The following CDH12 variants were observed in gnomAD, a reference collection of about 807,000 sequenced individuals.
The protein encoded by CDH12 is cadherin-12.
A neutral mutation model predicts 74.1 loss-of-function variants in CDH12; 41 were observed. That is an observed-to-expected ratio of 0.55 (90% confidence interval 0.43 to 0.72). CDH12 has a LOEUF of 0.72. Among genes scored for constraint, CDH12 ranks in the 30% least tolerant of loss-of-function variants. The pLI is 0.00. For missense variants in CDH12, 945 were observed against 977.2 expected, an observed-to-expected ratio of 0.97 and a Z score of 0.44; for synonymous variants, 399 against 355.0, an observed-to-expected ratio of 1.12 and a Z score of -1.39.
chr5:21,816,646 A>AAAAAAAAAAAAAC (rs1318470300), intron 9 of CDH12, among the ~76,000 whole-genome samples: 1 of 144,410 alleles, frequency 6.9e-6, no homozygotes, highest in East Asian at 2.0e-4. Flanking sequence ...AAAAAAAAAA[A>AAAAAAAAAAAAAC]AAAAAAAGAA....
At chr5:22,421,795 G>A (rs147336032) in intron 2 of CDH12, among the ~76,000 whole-genome samples, 1,834 of 152,222 alleles carry the variant, frequency 0.012, 36 homozygotes, top group African/African-American at 0.041. Context: ...CTAGTTTACA[G>A]TCCCACCGAC....
chr5:21,949,888 AAG>A (rs1755766769), intron 6 of CDH12, among the ~76,000 whole-genome samples: 1 of 152,282 alleles, frequency 6.6e-6, no homozygotes, highest in East Asian at 1.9e-4. Context: ...TTTTGAAAGA[AAG>A]AAGTTTTTTT....
chr5:21,917,128 C>G (rs1238884930), intron 6 of CDH12, among the ~76,000 whole-genome samples: 4 of 152,154 alleles, frequency 2.6e-5, no homozygotes, highest in African/African-American at 9.7e-5. Context: ...ACTGAACTCT[C>G]TGAACTTCAA....
chr5:21,904,941 C>G (rs1239129384), intron 6 of CDH12, among the ~76,000 whole-genome samples: 1 of 152,126 alleles, frequency 6.6e-6, no homozygotes, highest in Non-Finnish European at 1.5e-5. Flanking sequence ...AAAAGTCCCC[C>G]CAAATAACCA....
intron 3 of CDH12, among the ~76,000 whole-genome samples, chr5:22,263,128 C>T (rs969933294): frequency 6.6e-6 from 1 of 152,076 alleles, no homozygotes; most frequent in Non-Finnish European, 1.5e-5. Context: ...CAAGTGCATA[C>T]ACTATTTCTA....
At chr5:22,308,919 AGG>A (rs1738255881) in intron 3 of CDH12, among the ~76,000 whole-genome samples, 6 of 19,582 alleles carry the variant, frequency 3.1e-4, no homozygotes, top group East Asian at 3.3e-3. Context: ...AGAGAGAGAG[AGG>A]AGAGAGAGAG....
chr5:21,830,062 G>A (rs560387437), intron 8 of CDH12, among the ~76,000 whole-genome samples: 13 of 151,768 alleles, frequency 8.6e-5, no homozygotes, highest in African/African-American at 2.9e-4. Flanking sequence ...ATCTGGGTAT[G>A]TTGGCGGGTG....
intron 3 of CDH12, among the ~76,000 whole-genome samples, chr5:22,330,682 T>G (rs1739312628): frequency 7.7e-6 from 1 of 130,224 alleles, no homozygotes; most frequent in African/African-American, 3.0e-5. Context: ...ACCCTGGAGG[T>G]GGAGGTAGCA....
chr5:22,575,227 C>A lies in CDH12; in HGVS notation c.-522-69863G>T, dbSNP rs1368346543. Among the ~76,000 whole-genome samples the A allele has an allele frequency of 5.3e-5, 8 of 151,974 alleles. No homozygotes were observed. The East Asian group carries it at 1.4e-3, about 26-fold the overall frequency. ...AGCATTTGATACAGACACTTTTTTT[C>A]CTATATTTCTTGGAATTTGGTAAAA... On this transcript the variant is annotated intron_variant, in intron 1 of 14. Transcript: ENST00000382254.
intron 1 of CDH12, chr5:22,580,670 T>C (rs964389986): frequency 2.9e-5 from 12 of 409,124 alleles, no homozygotes; most frequent in South Asian, 2.6e-4. Context: ...CAAAGAAGTG[T>C]TTCAAGTGGA....
At chr5:22,112,896 T>A (rs572785193) in intron 4 of CDH12, among the ~76,000 whole-genome samples, 319 of 152,286 alleles carry the variant, frequency 2.1e-3, no homozygotes, top group Non-Finnish European at 3.2e-3. Flanking sequence ...AACAGAACGT[T>A]CATCTTATAA....
At chr5:22,270,925 C>T (rs13173112) in intron 3 of CDH12, among the ~76,000 whole-genome samples, 64,492 of 151,876 alleles carry the variant, frequency 0.42, 14,634 homozygotes, top group Admixed American at 0.53. Context: ...CTACCTGCCT[C>T]GGCCTCCAAA....
rs543944196 is a variant in CDH12 at position 22,120,504 on chromosome 5, T to C, written c.-186-41642A>G. Among the ~76,000 whole-genome samples the C allele has an allele frequency of 8.5e-5, 13 of 152,254 alleles. No homozygotes were observed. In the East Asian group the frequency reaches 2.1e-3, roughly 25 times the overall value. ...ACTATAATAAAATGATATGTTGACA[T>C]GTTTATGAAAGATGTAAAAGTATAT... On this transcript the variant is annotated intron_variant, in intron 4 of 14. Coordinates refer to ENST00000382254, the MANE Select transcript of CDH12 (RefSeq NM_004061.5).
chr5:22,218,237 T>C (rs1751891020), intron 3 of CDH12, among the ~76,000 whole-genome samples: 2 of 151,678 alleles, frequency 1.3e-5, no homozygotes, highest in African/African-American at 4.8e-5. Flanking sequence ...GCCATCTCGC[T>C]CTGAAGTATT....
chr5:22,045,111 C>T (rs1221645513), intron 5 of CDH12, among the ~76,000 whole-genome samples: 1 of 152,038 alleles, frequency 6.6e-6, no homozygotes, highest in Non-Finnish European at 1.5e-5. Context: ...AACTAATATT[C>T]CAATTACAAA....
intron 5 of CDH12, among the ~76,000 whole-genome samples, chr5:21,998,084 A>C (rs1736398894): frequency 6.6e-6 from 1 of 152,098 alleles, no homozygotes; most frequent in Admixed American, 6.6e-5. Flanking sequence ...TATGTGAAGG[A>C]GACAGAAACA....
chr5:22,010,271 T>C (rs1737225231), intron 5 of CDH12, among the ~76,000 whole-genome samples: 1 of 152,192 alleles, frequency 6.6e-6, no homozygotes, highest in African/African-American at 2.4e-5. Context: ...TAAAATTTTC[T>C]CTTTTGCTTC....
At chr5:21,883,838 A>C in intron 6 of CDH12, 1 of 1,605,712 alleles carries the variant, frequency 6.2e-7, no homozygotes, top group Middle Eastern at 1.7e-4. Context: ...AAGTGAATGA[A>C]AAGAAAGACA....
intron 1 of CDH12, among the ~76,000 whole-genome samples, chr5:22,578,285 G>T (rs1739894534): frequency 6.6e-6 from 1 of 151,732 alleles, no homozygotes; most frequent in South Asian, 2.1e-4. Flanking sequence ...TCTTAAAATT[G>T]CTCATGTTCC....
Sources: gnomAD v4.1 joint callset for allele counts (sites outside exome capture counted in the v4.1 genomes callset) on GRCh38, gnomAD v4.1.1 for gene constraint, MANE v1.5 for transcripts, NCBI Gene and HGNC (gene_info 2026-07-23, HGNC 2026-07-21) for gene names.